CLIP2: variants seen among roughly 807,000 people sequenced by gnomAD.
CLIP2 encodes the protein CAP-Gly domain containing linker protein 2, also known as CAP-Gly domain-containing linker protein 2.
Under a neutral mutation model 111.7 loss-of-function variants are expected in CLIP2, and 41 were observed. The observed-to-expected ratio is 0.37, with a 90% CI of 0.29 to 0.48. The LOEUF (loss-of-function observed/expected upper bound fraction) is 0.48, where lower values mean the gene tolerates loss of function less well. Among genes scored for constraint, CLIP2 ranks in the 20% least tolerant of loss-of-function variants. The pLI, the probability that CLIP2 is intolerant of heterozygous loss-of-function variation, is 0.99. For synonymous variants in CLIP2, 660 were observed against 644.2 expected (o/e 1.02, Z -0.37); for missense variants, 1,160 against 1,422.1 (o/e 0.82, Z 2.96).
chr7:74,317,583 G>T lies in CLIP2; in HGVS notation c.37G>T (p.Gly13Trp), dbSNP rs200539524. ...KPSGLKPPGR[G>W]GKHSSPMGRT... ...CAGCGGCCTGAAGCCCCCCGGCCGT[G>T]GGGGGAAGCACTCCAGCCCCATGGG... The change falls in exon 2 of 17, where the codon GGG becomes TGG. Residue 13 changes from glycine (G) to tryptophan (W), a missense_variant. Physicochemically the swap from Gly to Trp is radical, Grantham distance 184. Coordinates refer to ENST00000223398, the MANE Select transcript of CLIP2 (RefSeq NM_003388.5). The T allele has an allele frequency of 5.3e-6, 8 of 1,496,274 alleles. No homozygotes were observed. Among genetic ancestry groups the T allele is most frequent in the Non-Finnish European group, 7.2e-6 (8 of 1,116,524 alleles). The allele number at this position is 1,496,274 out of a possible 1,614,324, so 92.7% of individuals were successfully genotyped here.
intron 1 of CLIP2, among the ~76,000 whole-genome samples, chr7:74,305,343 G>A (rs892040280): frequency 1.3e-5 from 2 of 152,122 alleles, no homozygotes; most frequent in Non-Finnish European, 2.9e-5. Context: ...GGCCTCCCCC[G>A]CAAAGGCTGG....
chr7:74,295,767 G>C (rs996817933), intron 1 of CLIP2, among the ~76,000 whole-genome samples: 1 of 152,282 alleles, frequency 6.6e-6, no homozygotes, highest in Admixed American at 6.5e-5. Context: ...CACTTTGGGA[G>C]GGCAAGGAGG....
In CLIP2 at chr7:74,376,737, A is replaced by C. The variant is rs376207110; in HGVS notation, c.2336A>C (p.Glu779Ala). 5 of 1,612,772 alleles carry C rather than the reference A, an allele frequency of 3.1e-6. No individual in the cohort carries two copies. The African/African-American group carries it at 4.0e-5, about 13-fold the overall frequency. The change falls in exon 10 of 17, where the codon GAG (glutamate) becomes GCG (alanine). Residue 779 changes from glutamate (E) to alanine (A), a missense_variant. Physicochemically the swap from Glu to Ala is moderately radical, Grantham distance 107. Transcript: ENST00000223398. This position sits in a 1 kb window ranked among gnomAD's most constrained non-coding sequence, Gnocchi z 7.1. ...LQRAEAQGKQ[E>A]VESLREKLLV... Reference sequence around the variant, plus strand: ...CGGGCAGAAGCCCAGGGCAAACAGGAGGTCGAGAGTTTGCGGGAGAAGCTC... The same window carrying C: ...CGGGCAGAAGCCCAGGGCAAACAGGCGGTCGAGAGTTTGCGGGAGAAGCTC...
chr7:74,389,306 C>T, intron 13 of CLIP2, 47 bp downstream of exon 13: 3 of 1,492,620 alleles, frequency 2.0e-6, no homozygotes, highest in Non-Finnish European at 2.7e-6. Context: ...GGCCCTGGCC[C>T]TTGCTCCTCT....
intron 2 of CLIP2, among the ~76,000 whole-genome samples, chr7:74,336,875 G>GTTTTTTTTT (rs1385833904): frequency 1.6e-4 from 6 of 36,626 alleles, no homozygotes; most frequent in Non-Finnish European, 3.5e-4. Flanking sequence ...TTTTTTTTTT[G>GTTTTTTTTT]TTTTTTTTTG....
At chr7:74,390,867 G>T (rs1215317337) in intron 13 of CLIP2, among the ~76,000 whole-genome samples, 6 of 151,782 alleles carry the variant, frequency 4.0e-5, no homozygotes, top group Non-Finnish European at 7.4e-5. Flanking sequence ...GTCCAACATG[G>T]CGAAACCCTG....
intron 14 of CLIP2, among the ~76,000 whole-genome samples, chr7:74,399,455 T>C (rs534277216): frequency 4.7e-5 from 7 of 150,132 alleles, no homozygotes; most frequent in Non-Finnish European, 8.9e-5. Flanking sequence ...GGAGGATCAC[T>C]TGAGCCCAGG....
intron 14 of CLIP2, among the ~76,000 whole-genome samples, chr7:74,398,937 G>A (rs1013338508): frequency 2.0e-5 from 3 of 152,230 alleles, no homozygotes; most frequent in African/African-American, 7.2e-5. Flanking sequence ...GATTGGTCAA[G>A]TTTACTTGGG....
At chr7:74,341,461 G>A (rs1174579626) in intron 3 of CLIP2, among the ~76,000 whole-genome samples, 2 of 152,126 alleles carry the variant, frequency 1.3e-5, no homozygotes, top group Admixed American at 1.3e-4. Flanking sequence ...TTACAGACGT[G>A]AGCCACCGTG....
chr7:74,366,875 CAAA>C (rs35336151), intron 8 of CLIP2, among the ~76,000 whole-genome samples: 49 of 66,126 alleles, frequency 7.4e-4, no homozygotes, highest in African/African-American at 3.2e-3. Flanking sequence ...GACTCCTTCT[CAAA>C]AAAAAAAAAA....
At chr7:74,361,170 C>CTTTCCTTCCTTCCTTCCTT (rs1562709904) in intron 7 of CLIP2, among the ~76,000 whole-genome samples, 3 of 12,704 alleles carry the variant, frequency 2.4e-4, no homozygotes, top group Admixed American at 1.5e-3. Flanking sequence ...CTCCCTCCCT[C>CTTTCCTTCCTTCCTTCCTT]CCTTCTTTCC....
chr7:74,330,557 G>A (rs1286078539), intron 2 of CLIP2, among the ~76,000 whole-genome samples: 7 of 151,754 alleles, frequency 4.6e-5, no homozygotes, highest in East Asian at 1.9e-4. Flanking sequence ...ACACCCAGCC[G>A]GTGTTTCTTA....
chr7:74,401,803 C>T (rs1216055793), intron 16 of CLIP2: 7 of 635,920 alleles, frequency 1.1e-5, no homozygotes, highest in South Asian at 3.2e-5. Flanking sequence ...CAGTGGCCCA[C>T]GCCTGTAACC....
chr7:74,387,416 T>G (rs1326639311), intron 12 of CLIP2, among the ~76,000 whole-genome samples: 1 of 152,076 alleles, frequency 6.6e-6, no homozygotes, highest in African/African-American at 2.4e-5. Flanking sequence ...ACCCGGCTAA[T>G]TTTTGTATTT....
intron 1 of CLIP2, among the ~76,000 whole-genome samples, chr7:74,314,179 CA>C (rs35306275): frequency 1.0e-3 from 128 of 123,108 alleles, no homozygotes; most frequent in African/African-American, 2.1e-3. Context: ...GACTCTGTCT[CA>C]AAAAAAAAAA....
At chr7:74,347,308 G>A (rs914425127) in intron 3 of CLIP2, among the ~76,000 whole-genome samples, 47 of 152,198 alleles carry the variant, frequency 3.1e-4, no homozygotes, top group Non-Finnish European at 5.9e-4. Context: ...TCACTCTGTC[G>A]CCTAGGCTGG....
chr7:74,359,347 T>A (rs1182132813), intron 6 of CLIP2, among the ~76,000 whole-genome samples: 2 of 143,224 alleles, frequency 1.4e-5, no homozygotes, highest in African/African-American at 5.4e-5. Context: ...ACATTTCAGG[T>A]TTCTTTTTTT....
chr7:74,376,988 G>C lies in CLIP2; in HGVS notation c.2421+166G>C, dbSNP rs1790811836. 6.6e-6 allele frequency among the ~76,000 whole-genome samples: 1 copy of C among 152,106 alleles called. No individual in the cohort carries two copies. The highest frequency in any genetic ancestry group is 1.5e-5 in the Non-Finnish European group (1 of 68,004). On this transcript the variant is annotated intron_variant, in intron 10 of 16. Coordinates refer to ENST00000223398, the MANE Select transcript of CLIP2 (RefSeq NM_003388.5). This position sits in a 1 kb window ranked among gnomAD's most constrained non-coding sequence, Gnocchi z 7.1. ...TGGCTTAGAGGAGGAGGAGCTCCTT[G>C]GCCCTCTGTTAGAGGGGCAGTGCGC...
chr7:74,377,034 G>T lies in CLIP2; in HGVS notation c.2421+212G>T, dbSNP rs142349168. 5.1e-3 allele frequency among the ~76,000 whole-genome samples: 771 copies of T among 152,232 alleles called. 4 individuals are homozygous for T. Among genetic ancestry groups the T allele is most frequent in the Non-Finnish European group, 8.2e-3 (557 of 68,004 alleles). The stretch of plus-strand genomic sequence containing the variant: ...TGCGCCCTGGTGACCAGGGAGAACC[G>T]AAGCTGGTCTGAGCTGACCTGGCTG... On this transcript the variant is annotated intron_variant, in intron 10 of 16. Coordinates refer to ENST00000223398, the MANE Select transcript of CLIP2 (RefSeq NM_003388.5).
Sources: gnomAD v4.1 joint callset for allele counts (sites outside exome capture counted in the v4.1 genomes callset) on GRCh38, gnomAD v4.1.1 for gene constraint, Gnocchi (gnomAD v3.1) non-coding constraint, MANE v1.5 for transcripts, NCBI Gene and HGNC (gene_info 2026-07-23, HGNC 2026-07-21) for gene names.